WWOX: variants seen among roughly 807,000 people sequenced by gnomAD.
The protein encoded by WWOX is WW domain containing oxidoreductase, also known as WW domain-containing oxidoreductase.
In WWOX, 69 loss-of-function variants were observed where a neutral mutation model predicts 46.2. The ratio of observed to expected loss-of-function variants is 1.49; its 90% confidence interval spans 1.23 to 1.82. The LOEUF (loss-of-function observed/expected upper bound fraction) is 1.82. Among genes scored for constraint, WWOX ranks in the 40% most tolerant of loss-of-function variants. The pLI, the probability that WWOX is intolerant of heterozygous loss-of-function variation, is 0.00. For missense variants in WWOX, 919 were observed against 542.6 expected, an observed-to-expected ratio of 1.69 and a Z score of -6.89; for synonymous variants, 359 against 202.6, an observed-to-expected ratio of 1.77 and a Z score of -6.56.
At chr16:78,753,814 AAAAAAAAAAAAATATATAT>A (rs1411187347) in intron 8 of WWOX, among the ~76,000 whole-genome samples, 26 of 84,622 alleles carry the variant, frequency 3.1e-4, no homozygotes, top group African/African-American at 1.2e-3. Context: ...AAAAAAAAAA[AAAAAAAAAAAAATATATAT>A]ATATATATAT....
At chr16:78,945,055 C>G (rs2045923130) in intron 8 of WWOX, among the ~76,000 whole-genome samples, 2 of 152,020 alleles carry the variant, frequency 1.3e-5, no homozygotes, top group Non-Finnish European at 2.9e-5. Flanking sequence ...TGGCGTACAC[C>G]TGTAGTCGCA....
intron 8 of WWOX, among the ~76,000 whole-genome samples, chr16:78,735,087 G>A (rs913501336): frequency 1.3e-5 from 2 of 151,236 alleles, no homozygotes; most frequent in East Asian, 3.9e-4. Flanking sequence ...GGCTGGTCTC[G>A]AACTCCTGAC....
At chr16:78,624,031 A>G (rs1480847648) in intron 8 of WWOX, among the ~76,000 whole-genome samples, 3 of 152,198 alleles carry the variant, frequency 2.0e-5, no homozygotes, top group South Asian at 2.1e-4. Flanking sequence ...GAGGAAAGTA[A>G]GAACCCACAG....
chr16:78,425,026 T>C lies in WWOX; in HGVS notation c.762T>C (p.Arg254=). 1 of 1,614,008 alleles carries C rather than the reference T, an allele frequency of 6.2e-7. No individual in the cohort carries two copies. The highest frequency in any genetic ancestry group is 2.2e-5 in the East Asian group (1 of 44,860). The change falls in exon 7 of 9, where the codon CGT becomes CGC. Residue 254 remains arginine (R), a synonymous_variant. Coordinates refer to ENST00000566780, the MANE Select transcript of WWOX (RefSeq NM_016373.4). ...TTTTGTGCCGCTCAGCTCCTGCCCG[T>C]GTCATTGTGGTCTCCTCAGAGTCCC... ...QDVLCRSAPA[R]VIVVSSESHR...
At chr16:78,903,579 T>G (rs1308530573) in intron 8 of WWOX, among the ~76,000 whole-genome samples, 1 of 152,216 alleles carries the variant, frequency 6.6e-6, no homozygotes, top group Non-Finnish European at 1.5e-5. Context: ...CTTTTGTTAC[T>G]TAGGCGTGGA....
At chr16:79,205,451 C>G (rs754885818) in intron 8 of WWOX, 1 of 152,134 alleles carries the variant, frequency 6.6e-6, no homozygotes, top group Non-Finnish European at 1.5e-5. Flanking sequence ...ACACATTGTC[C>G]ACGTCTAATT....
At chr16:78,908,338 G>C (rs1452062821) in intron 8 of WWOX, among the ~76,000 whole-genome samples, 2 of 152,064 alleles carry the variant, frequency 1.3e-5, no homozygotes, top group Admixed American at 6.6e-5. Context: ...TCAGGAGTTT[G>C]AGACCATCCT....
chr16:78,529,555 C>G (rs2043568335), intron 8 of WWOX, among the ~76,000 whole-genome samples: 1 of 152,144 alleles, frequency 6.6e-6, no homozygotes, highest in South Asian at 2.1e-4. Flanking sequence ...CAACCTCCGC[C>G]TCTCGAGTTC....
intron 5 of WWOX, among the ~76,000 whole-genome samples, chr16:78,294,907 C>G (rs1367593297): frequency 1.3e-5 from 2 of 152,164 alleles, no homozygotes; most frequent in Non-Finnish European, 2.9e-5. Context: ...ATGAGTGGGT[C>G]AAGAACAAGA....
chr16:78,812,151 G>A (rs936495086), intron 8 of WWOX, among the ~76,000 whole-genome samples: 7 of 151,900 alleles, frequency 4.6e-5, no homozygotes, highest in African/African-American at 1.7e-4. Context: ...CCAATGCATG[G>A]CAATGCATAG....
intron 8 of WWOX, among the ~76,000 whole-genome samples, chr16:78,905,114 G>T (rs372335530): frequency 2.7e-4 from 41 of 152,196 alleles, no homozygotes; most frequent in African/African-American, 8.7e-4. Flanking sequence ...TGCATAATGA[G>T]GCCTTCAATG....
In WWOX at chr16:78,654,852, G is replaced by C. The variant is rs114495662; in HGVS notation, c.1056+222100G>C. The stretch of plus-strand genomic sequence containing the variant: ...TTCTTCAGTAGGGTCGTAAGGTCCC[G>C]TCAATGCAGCAGTCAAATTTTTTCT... On this transcript the variant is annotated intron_variant, in intron 8 of 8. Transcript: ENST00000566780. 8.6e-4 allele frequency among the ~76,000 whole-genome samples: 131 copies of C among 151,860 alleles called. 3 individuals carry two copies. The highest frequency in any genetic ancestry group is 3.1e-3 in the African/African-American group (127 of 41,406).
intron 5 of WWOX, chr16:78,264,375 C>G (rs551139774): frequency 2.0e-5 from 3 of 152,012 alleles, no homozygotes; most frequent in Non-Finnish European, 2.9e-5. Context: ...ATTGTCTCCC[C>G]GCCCCCACCG....
At chr16:78,109,550 A>C (rs2032364047) in intron 2 of WWOX, among the ~76,000 whole-genome samples, 1 of 152,196 alleles carries the variant, frequency 6.6e-6, no homozygotes, top group Admixed American at 6.5e-5. Flanking sequence ...CAGGAATAAA[A>C]TAGGTTTTCT....
At chr16:78,538,218 C>CAAAAA (rs67413792) in intron 8 of WWOX, among the ~76,000 whole-genome samples, 1 of 60,032 alleles carries the variant, frequency 1.7e-5, no homozygotes, top group African/African-American at 7.3e-5. Flanking sequence ...TCACTCACAC[C>CAAAAA]AAAAAAAAAA....
intron 8 of WWOX, among the ~76,000 whole-genome samples, chr16:78,830,075 T>C (rs1256001383): frequency 1.3e-5 from 2 of 151,602 alleles, no homozygotes; most frequent in Admixed American, 6.6e-5. Context: ...CTGGGTAACA[T>C]AGTAACATAG....
intron 4 of WWOX, among the ~76,000 whole-genome samples, chr16:78,154,572 T>C (rs2034533862): frequency 7.0e-6 from 1 of 143,590 alleles, no homozygotes. Flanking sequence ...AGTAAAGTTC[T>C]TGGCCCAGAG....
intron 6 of WWOX, among the ~76,000 whole-genome samples, chr16:78,422,201 G>A (rs981991153): frequency 6.6e-6 from 1 of 152,046 alleles, no homozygotes; most frequent in African/African-American, 2.4e-5. Flanking sequence ...AAAATATGGG[G>A]CTTCTATATG....
Position 78,267,653 on chromosome 16 carries a change from G to A in WWOX, c.516+103364G>A, listed in dbSNP as rs112250770. 4.2e-3 allele frequency among the ~76,000 whole-genome samples: 642 copies of A among 152,226 alleles called. 4 individuals are homozygous for A. Among genetic ancestry groups the A allele is most frequent in the African/African-American group, 0.015 (616 of 41,534 alleles). On this transcript the variant is annotated intron_variant, in intron 5 of 8. Coordinates refer to ENST00000566780, the MANE Select transcript of WWOX (RefSeq NM_016373.4). Reference sequence around the variant, plus strand: ...CTGAGACATGAGCTGCAGGACATCTGACACTGTCTTTTAAGAGACCTGCCT... The same window carrying A: ...CTGAGACATGAGCTGCAGGACATCTAACACTGTCTTTTAAGAGACCTGCCT...
Sources: allele counts gnomAD v4.1 joint callset (sites outside exome capture counted in the v4.1 genomes callset), GRCh38; gene constraint gnomAD v4.1.1; transcripts MANE v1.5; gene names NCBI Gene and HGNC (gene_info 2026-07-23, HGNC 2026-07-21).